Variants in CDH13 observed in about 807,000 individuals in gnomAD.
CDH13 encodes cadherin 13, also known as cadherin-13.
Under a neutral mutation model 63.8 loss-of-function variants are expected in CDH13, and 24 were observed. The observed-to-expected ratio is 0.38, with a 90% confidence interval of 0.27 to 0.53. CDH13 has a LOEUF of 0.53. Ranked by LOEUF, CDH13 falls within the 20% of genes least tolerant of loss-of-function variation. CDH13 has a pLI of 0.85. For missense variants in CDH13, 1,049 were observed against 903.1 expected, an observed-to-expected ratio of 1.16 and a Z score of -2.07; for synonymous variants, 503 against 355.3, an observed-to-expected ratio of 1.42 and a Z score of -4.67.
rs16958623 is a variant in CDH13, at chr16:82,783,575, T to C, written c.46-74787T>C. ...AAAAACTTCTTACTCCTTTGAAAAATGTGTGCAGTGATTCTTTTCCTCCCT... is the reference window on the plus strand; with the variant it reads ...AAAAACTTCTTACTCCTTTGAAAAACGTGTGCAGTGATTCTTTTCCTCCCT... On this transcript the variant is annotated intron_variant, in intron 1 of 13. Coordinates refer to ENST00000567109, the MANE Select transcript of CDH13 (RefSeq NM_001257.5). Among the ~76,000 whole-genome samples the C allele has an allele frequency of 2.5e-3, 379 of 152,256 alleles. 3 individuals carry two copies. Among genetic ancestry groups the C allele is most frequent in the African/African-American group, 8.7e-3 (363 of 41,554 alleles).
chr16:82,730,399 G>C (rs141087056), intron 1 of CDH13, among the ~76,000 whole-genome samples: 1 of 152,118 alleles, frequency 6.6e-6, no homozygotes, highest in South Asian at 2.1e-4. Flanking sequence ...TAATAGAAAG[G>C]CCTGAGGAAA....
chr16:82,823,906 G>C (rs1486461452), intron 1 of CDH13: 1 of 152,046 alleles, frequency 6.6e-6, no homozygotes, highest in African/African-American at 2.4e-5. Context: ...CTACTAAAAA[G>C]CCCTAGAAAC....
At position 83,439,107 on chromosome 16, in the gene CDH13, A is replaced by G. The variant is rs538370465; in HGVS notation, c.782-47370A>G. Among the ~76,000 whole-genome samples, 20 of 152,332 alleles carry G rather than the reference A, an allele frequency of 1.3e-4. No homozygotes were observed. The South Asian group carries it at 3.3e-3, about 25-fold the overall frequency. The stretch of plus-strand genomic sequence containing the variant: ...TTCCAATAGCTATGTGATCTTGGAA[A>G]GTTACTTCTCCAGTCTGAACCTCCA... On this transcript the variant is annotated intron_variant, in intron 6 of 13. Transcript: ENST00000567109.
intron 1 of CDH13, among the ~76,000 whole-genome samples, chr16:82,685,769 C>T (rs1414813507): frequency 6.6e-6 from 1 of 152,200 alleles, no homozygotes; most frequent in Non-Finnish European, 1.5e-5. Context: ...GCCCTCAGCC[C>T]TGTGTCCCAG....
intron 6 of CDH13, 95 bp downstream of exon 6, chr16:83,345,101 C>G: frequency 7.2e-7 from 1 of 1,382,788 alleles, no homozygotes; most frequent in East Asian, 2.3e-5. Flanking sequence ...GCTGTTCCAA[C>G]TTGTCAGCTC....
rs190429953 is a variant in CDH13, at chr16:83,016,131, T to C, written c.158-15879T>C. On this transcript the variant is annotated intron_variant, in intron 2 of 13. Coordinates refer to ENST00000567109, the MANE Select transcript of CDH13 (RefSeq NM_001257.5). ...ATGCCATATGGCCTAAGGGATGTAA[T>C]AAAAATCACTTGGCCACTGGAGGAT... is the stretch of plus-strand genomic sequence containing the variant. Among the ~76,000 whole-genome samples, 19 of 152,230 alleles carry C rather than the reference T, an allele frequency of 1.2e-4. No homozygotes were observed. The East Asian group carries it at 3.7e-3, about 30-fold the overall frequency.
chr16:83,120,507 G>C (rs2035516286), intron 3 of CDH13, among the ~76,000 whole-genome samples: 1 of 152,186 alleles, frequency 6.6e-6, no homozygotes, highest in African/African-American at 2.4e-5. Context: ...ATCATGAACT[G>C]AGGCCTATGT....
At chr16:83,398,985 G>T (rs1359624047) in intron 6 of CDH13, among the ~76,000 whole-genome samples, 2 of 152,150 alleles carry the variant, frequency 1.3e-5, no homozygotes, top group African/African-American at 2.4e-5. Context: ...TTACAACAAT[G>T]GCTGTTTCAT....
intron 8 of CDH13, among the ~76,000 whole-genome samples, chr16:83,644,536 G>A (rs1911610122): frequency 6.6e-6 from 1 of 152,212 alleles, no homozygotes; most frequent in Non-Finnish European, 1.5e-5. Flanking sequence ...GCAGTTTATA[G>A]CTCTTTTTCT....
chr16:83,155,397 C>A (rs1388546019), intron 4 of CDH13, among the ~76,000 whole-genome samples: 3 of 152,142 alleles, frequency 2.0e-5, no homozygotes, highest in Non-Finnish European at 2.9e-5. Flanking sequence ...GAATTAATGT[C>A]TTTTGTTTCT....
At chr16:83,578,942 T>C (rs1297326154) in intron 7 of CDH13, among the ~76,000 whole-genome samples, 1 of 152,258 alleles carries the variant, frequency 6.6e-6, no homozygotes, top group African/African-American at 2.4e-5. Flanking sequence ...AGGTAGTTAG[T>C]AGCGGAGTCA....
chr16:82,741,767 A>G (rs1431121814), intron 1 of CDH13, among the ~76,000 whole-genome samples: 1 of 152,226 alleles, frequency 6.6e-6, no homozygotes, highest in East Asian at 1.9e-4. Flanking sequence ...TTATTTTTCA[A>G]ATAGGGAATT....
intron 8 of CDH13, among the ~76,000 whole-genome samples, chr16:83,624,900 A>T (rs900019680): frequency 6.6e-6 from 1 of 152,128 alleles, no homozygotes; most frequent in African/African-American, 2.4e-5. Context: ...CCTGGCCATG[A>T]TTTGCATGTG....
At chr16:83,256,507 C>G (rs1252729131) in intron 5 of CDH13, among the ~76,000 whole-genome samples, 1 of 151,836 alleles carries the variant, frequency 6.6e-6, no homozygotes, top group African/African-American at 2.4e-5. Flanking sequence ...CTAGGCACCT[C>G]CAATGAAAAG....
At chr16:83,727,851 C>A (rs532560879) in intron 10 of CDH13, among the ~76,000 whole-genome samples, 8 of 152,024 alleles carry the variant, frequency 5.3e-5, no homozygotes, top group Non-Finnish European at 1.0e-4. Context: ...TGAACAGGGG[C>A]GTTGGCGGGG....
intron 1 of CDH13, among the ~76,000 whole-genome samples, chr16:82,668,521 G>A (rs182635444): frequency 6.6e-6 from 1 of 151,008 alleles, no homozygotes; most frequent in African/African-American, 2.4e-5. Flanking sequence ...ATGTTTTTTT[G>A]TTGTTGTTGT....
chr16:83,531,852 G>C (rs2075090677), intron 7 of CDH13, among the ~76,000 whole-genome samples: 1 of 152,206 alleles, frequency 6.6e-6, no homozygotes, highest in African/African-American at 2.4e-5. Flanking sequence ...GTAACTTTGT[G>C]TTATTTCAAC....
chr16:82,929,379 T>C (rs1243651614), intron 2 of CDH13, among the ~76,000 whole-genome samples: 3 of 151,884 alleles, frequency 2.0e-5, no homozygotes, highest in Admixed American at 2.0e-4. Context: ...AGACAGCCAT[T>C]GCCTGTAATC....
At chr16:83,215,166 T>G (rs1343076153) in intron 4 of CDH13, among the ~76,000 whole-genome samples, 1 of 124,532 alleles carries the variant, frequency 8.0e-6, no homozygotes, top group East Asian at 2.8e-4. Context: ...AACCTATGCC[T>G]CCCAGATTCA....
Sources: gnomAD v4.1 joint callset for allele counts (sites outside exome capture counted in the v4.1 genomes callset) on GRCh38, gnomAD v4.1.1 for gene constraint, MANE v1.5 for transcripts, NCBI Gene and HGNC (gene_info 2026-07-23, HGNC 2026-07-21) for gene names.